Variants in STON1 observed in about 807,000 individuals in gnomAD.
STON1 encodes stonin-1.
STON1 carries 79 observed loss-of-function variants against 60.9 expected under a neutral mutation model. The ratio of observed to expected loss-of-function variants is 1.30; its 90% CI spans 1.08 to 1.56. The LOEUF (loss-of-function observed/expected upper bound fraction) is 1.56. Ranked by LOEUF, STON1 falls within the 40% of genes most tolerant of loss-of-function variation. The pLI is 0.00. For missense variants in STON1, 1,166 were observed against 858.9 expected, an observed-to-expected ratio of 1.36 and a Z score of -4.47; for synonymous variants, 363 against 306.9, an observed-to-expected ratio of 1.18 and a Z score of -1.91.
At chr2:48,575,485 C>G (rs62135213) in intron 1 of STON1, among the ~76,000 whole-genome samples, 17,922 of 151,814 alleles carry the variant, frequency 0.12, 1,439 homozygotes, top group Middle Eastern at 0.24. Context: ...GAAACCCCAT[C>G]TCTACTAAAA....
Position 48,596,437 on chromosome 2 carries a change from CA to C in STON1, c.*1136del, listed in dbSNP as rs1193343011. 1 of 152,132 alleles carries C rather than the reference CA, an allele frequency of 6.6e-6. No homozygotes were observed. Among genetic ancestry groups the C allele is most frequent in the Non-Finnish European group, 1.5e-5 (1 of 68,008 alleles). 9.4% of individuals were successfully genotyped at this position (152,132 alleles called of 1,614,324 possible). A position where few individuals can be genotyped will look rare whatever the true frequency, so the allele number is the denominator to read the frequency against. On this transcript the variant is annotated 3_prime_UTR_variant, in exon 4 of 4. Coordinates refer to ENST00000404752, the MANE Select transcript of STON1 (RefSeq NM_006873.4). The stretch of plus-strand genomic sequence containing the variant: ...AATTCTGTTTATAATTTCCTTTCAG[CA>C]TTTACAGTGAAAAGTGAGAATTTTA...
Position 48,580,682 on chromosome 2 carries a change from G to A in STON1, c.49G>A (p.Ala17Thr). 1 of 1,434,394 alleles carries A rather than the reference G, an allele frequency of 7.0e-7. No homozygotes were observed. Among genetic ancestry groups the A allele is most frequent in the Non-Finnish European group, 9.2e-7 (1 of 1,091,136 alleles). 88.9% of individuals were successfully genotyped at this position (1,434,394 alleles called of 1,614,324 possible). A position where few individuals can be genotyped will look rare whatever the true frequency, so the allele number is the denominator to read the frequency against. The change falls in exon 2 of 4, where the codon GCT (alanine) becomes ACT (threonine). Residue 17 changes from alanine to threonine, a missense_variant. Ala to Thr is a moderately conservative substitution (Grantham distance 58). Coordinates refer to ENST00000404752, the MANE Select transcript of STON1 (RefSeq NM_006873.4). ...ATGGGTCACCTTTGATGATGATCCT[G>A]CTGTTCAATCTTCTCAAAAGTCAAA... ...GKWVTFDDDP[A>T]VQSSQKSKNF...
chr2:48,538,763 ATTTT>A (rs34052598), intron 1 of STON1, among the ~76,000 whole-genome samples: 2 of 86,370 alleles, frequency 2.3e-5, no homozygotes, highest in African/African-American at 9.2e-5. Flanking sequence ...ACACCCAGCT[ATTTT>A]TTTTTTTTTT....
chr2:48,542,079 C>A (rs115689939), intron 1 of STON1, among the ~76,000 whole-genome samples: 1 of 152,136 alleles, frequency 6.6e-6, no homozygotes, highest in East Asian at 1.9e-4. Context: ...GATATGAAGA[C>A]GATGTTCTGT....
At position 48,582,354 on chromosome 2, in the gene STON1, T is replaced by A. The variant is rs761773453; in HGVS notation, c.1721T>A (p.Val574Asp). 10 of 1,614,184 alleles carry A rather than the reference T, an allele frequency of 6.2e-6. No homozygotes were observed. The South Asian group carries it at 1.1e-4, about 18-fold the overall frequency. Reference protein sequence around the residue: ...SCDNIRIHFPVPSQWIKALWT... With the variant: ...SCDNIRIHFPDPSQWIKALWT... ...GACAATATAAGGATACACTTTCCTG[T>A]CCCATCGCAGTGGATCAAGGCCCTT... The change falls in exon 2 of 4, where the codon GTC becomes GAC. Residue 574 changes from valine (V) to aspartate (D), a missense_variant. Physicochemically the swap from Val to Asp is radical, Grantham distance 152. Coordinates refer to ENST00000404752, the MANE Select transcript of STON1 (RefSeq NM_006873.4).
intron 2 of STON1, among the ~76,000 whole-genome samples, chr2:48,586,515 G>A (rs548051170): frequency 6.6e-6 from 1 of 152,322 alleles, no homozygotes; most frequent in South Asian, 2.1e-4. Context: ...GGACTAGGGA[G>A]GGCTTCGCTG....
intron 1 of STON1, among the ~76,000 whole-genome samples, chr2:48,540,312 G>C (rs892320619): frequency 2.4e-4 from 37 of 152,114 alleles, no homozygotes; most frequent in African/African-American, 8.9e-4. Flanking sequence ...TTATAATACT[G>C]GGTGTGTTAG....
At position 48,564,546 on chromosome 2, in the gene STON1, CTTCTTCTTCTT is replaced by C. The variant is rs1558605423; in HGVS notation, c.-47-16040_-47-16030del. Among the ~76,000 whole-genome samples the C allele has an allele frequency of 1.9e-3, 101 of 53,940 alleles. 25 individuals are homozygous for C. The highest frequency in any genetic ancestry group is 6.5e-3 in the African/African-American group (95 of 14,620). 35.4% of individuals were successfully genotyped at this position (53,940 alleles called of 152,430 possible). A position where few individuals can be genotyped will look rare whatever the true frequency, so the allele number is the denominator to read the frequency against. On this transcript the variant is annotated intron_variant, in intron 1 of 3. Transcript: ENST00000404752. ...TCTTCTTCTTCTTCTTCTTCTTCTT[CTTCTTCTTCTT>C]CTTCTTCTTCTCCTTCTCCTTCTCC...
At chr2:48,570,443 C>T (rs1277940688) in intron 1 of STON1, among the ~76,000 whole-genome samples, 1 of 152,178 alleles carries the variant, frequency 6.6e-6, no homozygotes, top group Non-Finnish European at 1.5e-5. Context: ...GTGAACCCTC[C>T]TATTGCTGAT....
At chr2:48,559,823 C>T (rs1672534874) in intron 1 of STON1, among the ~76,000 whole-genome samples, 1 of 152,130 alleles carries the variant, frequency 6.6e-6, no homozygotes, top group African/African-American at 2.4e-5. Context: ...AATGAATAAG[C>T]AGGGGATGTG....
intron 1 of STON1, among the ~76,000 whole-genome samples, chr2:48,557,269 G>A (rs1425237334): frequency 1.4e-5 from 1 of 70,710 alleles, no homozygotes; most frequent in Non-Finnish European, 2.9e-5. Context: ...GGGGCGGCCG[G>A]GCAGAGACGC....
chr2:48,548,591 C>T (rs1330797541), intron 1 of STON1, among the ~76,000 whole-genome samples: 2 of 151,872 alleles, frequency 1.3e-5, no homozygotes, highest in South Asian at 2.1e-4. Flanking sequence ...CTCCACCTCC[C>T]GAGTTCAAGT....
At chr2:48,564,876 G>A (rs561661623) in intron 1 of STON1, among the ~76,000 whole-genome samples, 6 of 148,376 alleles carry the variant, frequency 4.0e-5, no homozygotes, top group African/African-American at 1.5e-4. Flanking sequence ...GGAATTACAG[G>A]CGTGCACCAC....
chr2:48,572,657 A>G (rs1261950461), intron 1 of STON1, among the ~76,000 whole-genome samples: 1 of 152,226 alleles, frequency 6.6e-6, no homozygotes, highest in African/African-American at 2.4e-5. Flanking sequence ...TTTTTGGCAT[A>G]CATCAGAATC....
At chr2:48,577,738 C>A (rs1033488304) in intron 1 of STON1, among the ~76,000 whole-genome samples, 3 of 150,784 alleles carry the variant, frequency 2.0e-5, no homozygotes, top group Non-Finnish European at 4.4e-5. Flanking sequence ...GCCTCAGCCT[C>A]CTGAGTAGCT....
intron 2 of STON1, among the ~76,000 whole-genome samples, chr2:48,590,430 T>C (rs2103953415): frequency 6.6e-6 from 1 of 152,362 alleles, no homozygotes; most frequent in South Asian, 2.1e-4. Context: ...CCTAAAGCTA[T>C]ATTCTGATGG....
At chr2:48,543,731 C>A (rs111579092) in intron 1 of STON1, among the ~76,000 whole-genome samples, 10,845 of 151,972 alleles carry the variant, frequency 0.071, 545 homozygotes, top group Non-Finnish European at 0.11. Flanking sequence ...GGGGTTTCTC[C>A]ATGTTGACCA....
chr2:48,563,085 G>A (rs76643238), intron 1 of STON1, among the ~76,000 whole-genome samples: 186 of 152,336 alleles, frequency 1.2e-3, no homozygotes, highest in African/African-American at 4.3e-3. Context: ...ACATGGTAAG[G>A]TTGAGTGGAG....
At chr2:48,586,211 C>T (rs536669055) in intron 2 of STON1, among the ~76,000 whole-genome samples, 39 of 152,270 alleles carry the variant, frequency 2.6e-4, no homozygotes, top group Admixed American at 1.1e-3. Flanking sequence ...GCATTTTTTT[C>T]AGAGTCATTG....
Sources: gnomAD v4.1 joint callset for allele counts (sites outside exome capture counted in the v4.1 genomes callset) on GRCh38, gnomAD v4.1.1 for gene constraint, MANE v1.5 for transcripts, NCBI Gene and HGNC (gene_info 2026-07-23, HGNC 2026-07-21) for gene names.